GARNL3: variants seen among roughly 807,000 people sequenced by gnomAD.
The protein encoded by GARNL3 is GTPase activating Rap/RanGAP domain like 3.
GARNL3 carries 63 observed loss-of-function variants against 125.0 expected under a neutral mutation model. That is an observed-to-expected ratio of 0.50 (90% CI 0.41 to 0.62). The LOEUF (loss-of-function observed/expected upper bound fraction) is 0.62, where lower values mean the gene tolerates loss of function less well. Among genes scored for constraint, GARNL3 ranks in the 20% least tolerant of loss-of-function variants. GARNL3 has a pLI of 0.00. For missense variants in GARNL3, 994 were observed against 1,244.0 expected (o/e 0.80, Z 3.02); for synonymous variants, 439 against 457.5 (o/e 0.96, Z 0.52).
At chr9:127,275,795 T>C (rs2131310318) in intron 1 of GARNL3, among the ~76,000 whole-genome samples, 1 of 152,340 alleles carries the variant, frequency 6.6e-6, no homozygotes, top group East Asian at 1.9e-4. Context: ...ATTAAAGCAG[T>C]TACTTTGGGT....
chr9:127,244,101 G>C (rs968987834), intron 2 of GARNL3, among the ~76,000 whole-genome samples: 2 of 152,234 alleles, frequency 1.3e-5, no homozygotes, highest in East Asian at 3.8e-4. Context: ...TTATGCCTGA[G>C]ACCTGCCCCT....
At chr9:127,393,003 A>G in intron 27 of GARNL3, 80 bp from the exon 28 acceptor site, 1 of 1,169,020 alleles carries the variant, frequency 8.6e-7, no homozygotes, top group South Asian at 1.5e-5. Flanking sequence ...AGCTCAGATG[A>G]GCAGGAAATT....
chr9:127,346,587 T>C (rs565267992), intron 16 of GARNL3, among the ~76,000 whole-genome samples: 23 of 152,312 alleles, frequency 1.5e-4, no homozygotes, highest in Non-Finnish European at 2.6e-4. Flanking sequence ...AAGAAGTTTT[T>C]AGGCTTATAT....
rs373897503 is a variant in GARNL3 at position 127,348,925 on chromosome 9, C to T, written c.1433C>T (p.Pro478Leu). ...TCCGATGCTTGTATTGCCTCACAGCCGTGGGAGCCCCAGTGTTTCTGCAGT... is the reference window on the plus strand; with the variant it reads ...TCCGATGCTTGTATTGCCTCACAGCTGTGGGAGCCCCAGTGTTTCTGCAGT... ...LAASGICKKE[P>L]WEPQCFCSNF... Residue 478 changes from proline (P) to leucine (L), a missense_variant and splice_region_variant, in exon 17 of 28, where the codon CCG becomes CTG. By Grantham distance (98) the Pro-to-Leu change is moderately conservative. Around this residue, in one of 5 missense-constraint regions of GARNL3, gnomAD observed 728 missense variants for 865.7 expected, o/e 0.84. Transcript: ENST00000373387. 1.2e-5 allele frequency: 19 copies of T among 1,607,598 alleles called. No individual in the cohort carries two copies. The highest frequency in any genetic ancestry group is 9.4e-5 in the African/African-American group (7 of 74,634).
At chr9:127,342,171 G>A (rs763518595) in intron 13 of GARNL3, 48 bp from the exon 14 acceptor site, 3 of 1,059,524 alleles carry the variant, frequency 2.8e-6, no homozygotes, top group South Asian at 2.5e-5. Context: ...TCTTGTGTGT[G>A]TGTCAAGAGA....
At chr9:127,299,527 G>A (rs1170869094) in intron 2 of GARNL3, among the ~76,000 whole-genome samples, 1 of 152,070 alleles carries the variant, frequency 6.6e-6, no homozygotes, top group Non-Finnish European at 1.5e-5. Flanking sequence ...AGCTTCCTGA[G>A]TAACTGGGAT....
At chr9:127,350,632 C>T (rs1460415741) in intron 17 of GARNL3, among the ~76,000 whole-genome samples, 2 of 151,794 alleles carry the variant, frequency 1.3e-5, no homozygotes, top group African/African-American at 2.4e-5. Flanking sequence ...AAAAATTAGC[C>T]GGATGTGGTG....
rs1214729439 is a variant in GARNL3, at chr9:127,384,775, G to T, written c.2270-252G>T. On this transcript the variant is annotated intron_variant, in intron 23 of 27. Transcript: ENST00000373387. This position sits in a 1 kb window ranked among gnomAD's most constrained non-coding sequence, Gnocchi z 4.0. ...ATCAGGCAGTGGGGTTTCCATGGGG[G>T]AAAATGGCAGCAAGCATGGTGACAG... Among the ~76,000 whole-genome samples the T allele has an allele frequency of 6.6e-6, 1 of 152,220 alleles. No individual in the cohort carries two copies. Among genetic ancestry groups the T allele is most frequent in the African/African-American group, 2.4e-5 (1 of 41,454 alleles).
intron 22 of GARNL3, among the ~76,000 whole-genome samples, chr9:127,368,400 G>C (rs1183032346): frequency 8.6e-5 from 12 of 140,230 alleles, no homozygotes; most frequent in Admixed American, 7.8e-4. Flanking sequence ...GCACAATCTC[G>C]GCTCACTGCA....
chr9:127,277,104 A>G (rs1323765383), intron 1 of GARNL3, among the ~76,000 whole-genome samples: 2 of 152,220 alleles, frequency 1.3e-5, no homozygotes, highest in Non-Finnish European at 2.9e-5. Flanking sequence ...GATTATGCAT[A>G]AAAATCACTT....
chr9:127,382,937 C>T (rs1449930627), intron 22 of GARNL3, among the ~76,000 whole-genome samples: 3 of 152,182 alleles, frequency 2.0e-5, no homozygotes, highest in South Asian at 4.1e-4. Flanking sequence ...GCATTCTCCA[C>T]CCAAGGGCTG....
chr9:127,294,378 C>T (rs2064520352), intron 2 of GARNL3, among the ~76,000 whole-genome samples: 1 of 152,176 alleles, frequency 6.6e-6, no homozygotes, highest in Non-Finnish European at 1.5e-5. Context: ...TATCTCGGCT[C>T]ACTGCACCTC....
At chr9:127,264,692 A>C (rs1168016529), upstream of GARNL3, 3 of 1,221,918 alleles carry the variant, frequency 2.5e-6, no homozygotes, top group Non-Finnish European at 3.1e-6. Flanking sequence ...ATTCCAAATG[A>C]CTAAATATTT....
chr9:127,368,074 G>C (rs1424506261), intron 22 of GARNL3, among the ~76,000 whole-genome samples: 2 of 141,148 alleles, frequency 1.4e-5, no homozygotes, highest in African/African-American at 5.3e-5. Context: ...GGAGTATGGT[G>C]GTGTGATCTC....
upstream of GARNL3, among the ~76,000 whole-genome samples, chr9:127,260,978 G>A (rs2063576720): frequency 6.6e-6 from 1 of 152,166 alleles, no homozygotes; most frequent in Admixed American, 6.5e-5. Flanking sequence ...TATGTGGGCC[G>A]GGTGCAGTGG....
At chr9:127,306,493 C>T (rs1269624204) in intron 2 of GARNL3, among the ~76,000 whole-genome samples, 2 of 151,892 alleles carry the variant, frequency 1.3e-5, no homozygotes, top group South Asian at 2.1e-4. Context: ...TTTGGGAGGC[C>T]GAGGCGGGCG....
At chr9:127,324,155 G>T (rs544907423) in intron 6 of GARNL3, among the ~76,000 whole-genome samples, 10 of 152,222 alleles carry the variant, frequency 6.6e-5, no homozygotes, top group African/African-American at 2.4e-4. Flanking sequence ...GGAAGCTGAG[G>T]TGGGAGGATT....
At chr9:127,233,462 A>G (rs986370796) in intron 1 of GARNL3, among the ~76,000 whole-genome samples, 4 of 152,202 alleles carry the variant, frequency 2.6e-5, no homozygotes, top group Admixed American at 2.6e-4. Flanking sequence ...TTGGTAGAAA[A>G]AAAAGTCATT....
intron 7 of GARNL3, among the ~76,000 whole-genome samples, chr9:127,330,188 A>G (rs547685570): frequency 2.0e-5 from 3 of 152,368 alleles, no homozygotes; most frequent in African/African-American, 7.2e-5. Flanking sequence ...GAGAACCACT[A>G]CTGTAGTTCC....
Sources: allele counts gnomAD v4.1 joint callset (sites outside exome capture counted in the v4.1 genomes callset), GRCh38; gene constraint gnomAD v4.1.1; regional missense constraint gnomAD v4.1.1; non-coding constraint Gnocchi (gnomAD v3.1); transcripts MANE v1.5; gene names NCBI Gene and HGNC (gene_info 2026-07-23, HGNC 2026-07-21).